Variants in BRINP3 observed in about 807,000 individuals in gnomAD.
The protein encoded by BRINP3 is BMP/retinoic acid inducible neural specific 3, also known as BMP/retinoic acid-inducible neural-specific protein 3.
In BRINP3, 19 loss-of-function variants were observed where a neutral mutation model predicts 71.0. The observed-to-expected ratio is 0.27, with a 90% confidence interval of 0.19 to 0.39. BRINP3 has a LOEUF of 0.39. Ranked by LOEUF, BRINP3 falls within the 10% of genes least tolerant of loss-of-function variation. The pLI is 1.00. For missense variants in BRINP3, 959 were observed against 940.8 expected (o/e 1.02, Z -0.25); for synonymous variants, 380 against 337.7 (o/e 1.13, Z -1.37).
In BRINP3 at chr1:190,160,691, G is replaced by C. The variant is rs750410344; in HGVS notation, c.1161C>G (p.Pro387=). 6.2e-7 allele frequency: 1 copy of C among 1,613,066 alleles called. No individual in the cohort carries two copies. Among genetic ancestry groups the C allele is most frequent in the Non-Finnish European group, 8.5e-7 (1 of 1,179,546 alleles). The part of the protein sequence containing the change: ...FSLSKRCHKQ[P]LISLPRQRTS... ...ACCTTTGTCTTGGCAGGCTGATGAGGGGTTGTTTATGACACCTCTTGCTAA... is the reference window on the plus strand; with the variant it reads ...ACCTTTGTCTTGGCAGGCTGATGAGCGGTTGTTTATGACACCTCTTGCTAA... Residue 387 remains proline (P), a synonymous_variant, in exon 7 of 8, where the codon CCC becomes CCG. Coordinates refer to ENST00000367462, the MANE Select transcript of BRINP3 (RefSeq NM_199051.3).
chr1:190,431,330 GTTTAT>G (rs1270701784), intron 2 of BRINP3, among the ~76,000 whole-genome samples: 1 of 151,958 alleles, frequency 6.6e-6, no homozygotes, highest in African/African-American at 2.4e-5. Context: ...AAGTGTTCTT[GTTTAT>G]TTTAATTGTT....
chr1:190,378,193 G>A (rs558105856), intron 2 of BRINP3, among the ~76,000 whole-genome samples: 3 of 152,184 alleles, frequency 2.0e-5, no homozygotes, highest in East Asian at 1.9e-4. Flanking sequence ...TTGTCTAGAC[G>A]TAAACATGTG....
intron 3 of BRINP3, among the ~76,000 whole-genome samples, chr1:190,275,767 A>C (rs74418279): frequency 2.0e-5 from 3 of 151,678 alleles, no homozygotes; most frequent in African/African-American, 7.3e-5. Flanking sequence ...TGCCACGAAC[A>C]CCTTTACTAA....
At chr1:190,357,909 A>G (rs1668843871) in intron 2 of BRINP3, among the ~76,000 whole-genome samples, 1 of 152,020 alleles carries the variant, frequency 6.6e-6, no homozygotes, top group Non-Finnish European at 1.5e-5. Context: ...AGAAATGGGG[A>G]AACGATTCCC....
chr1:190,241,485 C>T (rs1009317247), intron 4 of BRINP3, among the ~76,000 whole-genome samples: 1 of 151,974 alleles, frequency 6.6e-6, no homozygotes, highest in African/African-American at 2.4e-5. Flanking sequence ...CTCTCTCTCT[C>T]TGGCAATAAA....
At chr1:190,221,193 A>T (rs950787584) in intron 6 of BRINP3, among the ~76,000 whole-genome samples, 1 of 152,080 alleles carries the variant, frequency 6.6e-6, no homozygotes, top group East Asian at 1.9e-4. Context: ...ACTCCAGCCT[A>T]GGCGACAGAG....
chr1:190,180,318 T>C (rs1415096884), intron 6 of BRINP3, among the ~76,000 whole-genome samples: 1 of 152,140 alleles, frequency 6.6e-6, no homozygotes, highest in African/African-American at 2.4e-5. Flanking sequence ...AGAATCTTTA[T>C]TCCTCCTTCA....
intron 2 of BRINP3, among the ~76,000 whole-genome samples, chr1:190,304,356 A>G (rs1017784090): frequency 6.6e-6 from 1 of 151,770 alleles, no homozygotes; most frequent in Non-Finnish European, 1.5e-5. Flanking sequence ...TCCTTCACAA[A>G]TCATCACACT....
intron 6 of BRINP3, among the ~76,000 whole-genome samples, chr1:190,177,242 A>G (rs923880981): frequency 1.4e-5 from 2 of 143,054 alleles, no homozygotes; most frequent in Non-Finnish European, 3.0e-5. Context: ...CACTCACTGC[A>G]AACTCTGCCT....
chr1:190,470,286 A>C (rs1677045363), intron 1 of BRINP3, among the ~76,000 whole-genome samples: 1 of 151,140 alleles, frequency 6.6e-6, no homozygotes. Context: ...TAAATCTATA[A>C]TGGAATATAA....
chr1:190,441,010 A>AAT lies in BRINP3; in HGVS notation c.236+13643_236+13644dup, dbSNP rs1426155323. Among the ~76,000 whole-genome samples, 4 of 152,084 alleles carry AAT rather than the reference A, an allele frequency of 2.6e-5. No homozygotes were observed. The East Asian group carries it at 7.7e-4, about 29-fold the overall frequency. On this transcript the variant is annotated intron_variant, in intron 2 of 7. Transcript: ENST00000367462. Reference sequence around the variant, plus strand: ...GATTAAAAGAAAAAACAAATAGTGAAATTCACTTATTTTCTCCTTAGATGG... The same window carrying AAT: ...GATTAAAAGAAAAAACAAATAGTGAAATATTCACTTATTTTCTCCTTAGATGG...
chr1:190,168,343 T>A (rs1175003461), intron 6 of BRINP3, among the ~76,000 whole-genome samples: 2 of 152,150 alleles, frequency 1.3e-5, no homozygotes, highest in Non-Finnish European at 2.9e-5. Context: ...AGACCACATC[T>A]CTTGTATCAC....
chr1:190,136,083 C>A (rs1027141877), intron 7 of BRINP3, among the ~76,000 whole-genome samples: 2 of 152,028 alleles, frequency 1.3e-5, no homozygotes, highest in Non-Finnish European at 2.9e-5. Flanking sequence ...ACAAGAGGCA[C>A]ATGCCCTGGT....
At chr1:190,163,409 T>C (rs910507184) in intron 6 of BRINP3, among the ~76,000 whole-genome samples, 18 of 152,176 alleles carry the variant, frequency 1.2e-4, no homozygotes, top group South Asian at 1.0e-3. Context: ...ATATTGGTAA[T>C]TAGAGAGATT....
intron 2 of BRINP3, among the ~76,000 whole-genome samples, chr1:190,405,735 A>G (rs1672241503): frequency 6.6e-6 from 1 of 152,176 alleles, no homozygotes; most frequent in Non-Finnish European, 1.5e-5. Context: ...CTATTATCCA[A>G]TGTAATCTTT....
At chr1:190,233,154 T>C (rs1217170963) in intron 5 of BRINP3, among the ~76,000 whole-genome samples, 1 of 152,122 alleles carries the variant, frequency 6.6e-6, no homozygotes, top group East Asian at 1.9e-4. Flanking sequence ...GGTCTCACTG[T>C]CACCCAGGCT....
At chr1:190,433,965 G>A (rs1674280041) in intron 2 of BRINP3, among the ~76,000 whole-genome samples, 1 of 152,002 alleles carries the variant, frequency 6.6e-6, no homozygotes, top group African/African-American at 2.4e-5. Flanking sequence ...CCGGTTTTCT[G>A]CGAAATTAGT....
intron 2 of BRINP3, among the ~76,000 whole-genome samples, chr1:190,297,057 TAA>T (rs1664302283): frequency 6.6e-6 from 1 of 151,990 alleles, no homozygotes; most frequent in Admixed American, 6.6e-5. Flanking sequence ...AAGAGAATCC[TAA>T]AATTTATGTA....
intron 7 of BRINP3, among the ~76,000 whole-genome samples, chr1:190,144,311 C>T (rs1193234743): frequency 6.6e-6 from 1 of 152,028 alleles, no homozygotes; most frequent in Non-Finnish European, 1.5e-5. Flanking sequence ...TTCTAACCTG[C>T]CCTAAAACAA....
Sources: allele counts gnomAD v4.1 joint callset (sites outside exome capture counted in the v4.1 genomes callset), GRCh38; gene constraint gnomAD v4.1.1; transcripts MANE v1.5; gene names NCBI Gene and HGNC (gene_info 2026-07-23, HGNC 2026-07-21).